ABL1: variants seen among roughly 807,000 people sequenced by gnomAD.
The protein encoded by ABL1 is tyrosine-protein kinase ABL1.
In ABL1, 11 loss-of-function variants were observed where a neutral mutation model predicts 94.7. That is an observed-to-expected ratio of 0.12 (90% confidence interval 0.07 to 0.19). The LOEUF (loss-of-function observed/expected upper bound fraction) is 0.19. Among genes scored for constraint, ABL1 ranks in the 10% least tolerant of loss-of-function variants. The probability of loss-of-function intolerance (pLI) is 1.00; values close to 1 mark genes in which losing one functional copy is unlikely to be tolerated. For missense variants in ABL1, 1,082 were observed against 1,489.4 expected (o/e 0.73, Z 4.50); for synonymous variants, 656 against 622.4 (o/e 1.05, Z -0.80).
At position 130,885,353 on chromosome 9, in the gene ABL1, G is replaced by T. The variant is rs1342461158; in HGVS notation, c.3063G>T (p.Arg1021=). The change falls in exon 11 of 11, where the codon CGG becomes CGT. Residue 1021 remains arginine, a synonymous_variant. Coordinates refer to ENST00000318560, the MANE Select transcript of ABL1 (RefSeq NM_005157.6). Reference sequence around the variant, plus strand: ...GGAAAACCCGCCAGCCTCCAGAGCGGATCGCCAGCGGCGCCATCACCAAGG... The same window carrying T: ...GGAAAACCCGCCAGCCTCCAGAGCGTATCGCCAGCGGCGCCATCACCAAGG... ...SLRKTRQPPE[R]IASGAITKGV... The T allele has an allele frequency of 6.2e-7, 1 of 1,613,636 alleles. No homozygotes were observed. The highest frequency in any genetic ancestry group is 8.5e-7 in the Non-Finnish European group (1 of 1,180,018).
intron 1 of ABL1, among the ~76,000 whole-genome samples, chr9:130,815,437 C>T (rs1221223180): frequency 6.6e-6 from 1 of 152,130 alleles, no homozygotes; most frequent in Non-Finnish European, 1.5e-5. Flanking sequence ...TTTCTGCTTG[C>T]CCAGGGCCAA....
chr9:130,784,850 C>G (rs1340963832), intron 1 of ABL1, among the ~76,000 whole-genome samples: 1 of 152,164 alleles, frequency 6.6e-6, no homozygotes, highest in African/African-American at 2.4e-5. Context: ...GAGATGCTTC[C>G]CCTGCATAAG....
intron 1 of ABL1, among the ~76,000 whole-genome samples, chr9:130,760,001 C>T (rs1192445587): frequency 2.2e-5 from 3 of 133,606 alleles, no homozygotes; most frequent in African/African-American, 2.8e-5. Context: ...GAGACGGGGT[C>T]CCACTACGTT....
At position 130,822,784 on chromosome 9, in the gene ABL1, C is replaced by T. The variant is rs536912422; in HGVS notation, c.137-31280C>T. On this transcript the variant is annotated intron_variant, in intron 1 of 10. Coordinates refer to the ABL1 transcript ENST00000372348. ...CTTATTATCGAGTGGTAAGAGTTCT[C>T]TGTATTGTGGGTACAAGTTCTTTTT... Among the ~76,000 whole-genome samples, 18 of 151,638 alleles carry T rather than the reference C, an allele frequency of 1.2e-4. No individual in the cohort carries two copies. The South Asian group carries it at 3.8e-3, about 32-fold the overall frequency.
chr9:130,821,664 CT>C lies in ABL1; in HGVS notation c.137-32385del, dbSNP rs1212377521. Among the ~76,000 whole-genome samples, 310 of 135,458 alleles carry C rather than the reference CT, an allele frequency of 2.3e-3. 1 individual carries two copies. The highest frequency in any genetic ancestry group is 3.7e-3 in the Middle Eastern group (1 of 268). 88.9% of individuals were successfully genotyped at this position (135,458 alleles called of 152,430 possible). A position where few individuals can be genotyped will look rare whatever the true frequency, so the allele number is the denominator to read the frequency against. Reference sequence around the variant, plus strand: ...ATTTCTAGAAGTAAAATTGCTGAGTCTTTTTTTTTTTTTTTGAGATGGAGTT... The same window carrying C: ...ATTTCTAGAAGTAAAATTGCTGAGTCTTTTTTTTTTTTTTGAGATGGAGTT... On this transcript the variant is annotated intron_variant, in intron 1 of 10. Transcript: ENST00000372348.
At chr9:130,764,978 A>G (rs971279678) in intron 1 of ABL1, among the ~76,000 whole-genome samples, 2 of 151,682 alleles carry the variant, frequency 1.3e-5, no homozygotes, top group African/African-American at 4.8e-5. Flanking sequence ...AGAGGATACA[A>G]GGGATACAAG....
In ABL1 at chr9:130,878,397, C is replaced by CTTT. The variant is rs1479138391; in HGVS notation, c.1271-17_1271-15dup. 17 of 1,613,258 alleles carry CTTT rather than the reference C, an allele frequency of 1.1e-5. No individual in the cohort carries two copies. The Admixed American group carries it at 2.8e-4, about 27-fold the overall frequency. ...GCTACACATCTTGAACAGCCTTTCT[C>CTTT]TTTCGGTTTTCTTTCAGCATTTGGA... On this transcript the variant is annotated splice_polypyrimidine_tract_variant and intron_variant, in intron 7 of 10. Transcript: ENST00000318560.
At chr9:130,804,921 G>A (rs567490716) in intron 1 of ABL1, among the ~76,000 whole-genome samples, 89 of 152,348 alleles carry the variant, frequency 5.8e-4, no homozygotes, top group Non-Finnish European at 1.1e-3. Flanking sequence ...GGGGGACCAA[G>A]AGGGAGGTCT....
intron 1 of ABL1, among the ~76,000 whole-genome samples, chr9:130,717,795 C>A (rs1831462760): frequency 6.6e-6 from 1 of 151,878 alleles, no homozygotes; most frequent in African/African-American, 2.4e-5. Context: ...GGGCAGATCA[C>A]CTGAGGTCGG....
intron 1 of ABL1, among the ~76,000 whole-genome samples, chr9:130,735,961 A>ATATATATATATATATATTTT (rs573602038): frequency 4.2e-5 from 4 of 94,846 alleles, no homozygotes; most frequent in African/African-American, 2.5e-4. Flanking sequence ...ATATATATAT[A>ATATATATATATATATATTTT]TTTTTTTTTT....
chr9:130,736,063 C>G (rs540802143), intron 1 of ABL1, among the ~76,000 whole-genome samples: 1 of 149,980 alleles, frequency 6.7e-6, no homozygotes, highest in East Asian at 2.0e-4. Flanking sequence ...TCAAGTGATA[C>G]TCCTGCCTCA....
chr9:130,751,205 G>A (rs1407763224), intron 1 of ABL1, among the ~76,000 whole-genome samples: 14 of 124,578 alleles, frequency 1.1e-4, no homozygotes, highest in Non-Finnish European at 1.8e-4. Flanking sequence ...ACAGTGGCGC[G>A]ATCTCGGCTC....
At chr9:130,724,073 G>A (rs1192029684) in intron 1 of ABL1, among the ~76,000 whole-genome samples, 2 of 152,090 alleles carry the variant, frequency 1.3e-5, no homozygotes, top group Non-Finnish European at 2.9e-5. Context: ...GCCTTCCAAA[G>A]TGCTGGGATT....
rs766644286 is a variant in ABL1 at position 130,854,428 on chromosome 9, G to A, written c.253+191G>A. Among the ~76,000 whole-genome samples the A allele has an allele frequency of 1.2e-3, 184 of 152,138 alleles. 4 individuals are homozygous for A. Among genetic ancestry groups the A allele is most frequent in the Admixed American group, 3.9e-4 (6 of 15,274 alleles). On this transcript the variant is annotated intron_variant, in intron 2 of 10. Coordinates refer to ENST00000318560, the MANE Select transcript of ABL1 (RefSeq NM_005157.6). ...AGGAGTTCTTGTACAATAGCCCTGGGCAAAAACAGAACTTGCCCTATTTTT... is the reference window on the plus strand; with the variant it reads ...AGGAGTTCTTGTACAATAGCCCTGGACAAAAACAGAACTTGCCCTATTTTT...
chr9:130,752,420 A>T (rs960632821), intron 1 of ABL1, among the ~76,000 whole-genome samples: 1 of 152,114 alleles, frequency 6.6e-6, no homozygotes, highest in Non-Finnish European at 1.5e-5. Context: ...TTGGCTTGGC[A>T]CTCAAGGTCT....
chr9:130,837,255 C>T (rs1830603004), intron 1 of ABL1, among the ~76,000 whole-genome samples: 1 of 152,162 alleles, frequency 6.6e-6, no homozygotes, highest in Admixed American at 6.5e-5. Context: ...TTATTTTTTC[C>T]AAGTTGCTCA....
intron 1 of ABL1, among the ~76,000 whole-genome samples, chr9:130,734,721 C>T (rs1268910729): frequency 1.3e-5 from 2 of 151,654 alleles, no homozygotes; most frequent in Non-Finnish European, 2.9e-5. Context: ...AGAGTTTAGC[C>T]ATATTGGCTA....
intron 1 of ABL1, among the ~76,000 whole-genome samples, chr9:130,716,256 C>T (rs537440847): frequency 4.0e-5 from 6 of 151,204 alleles, no homozygotes; most frequent in Middle Eastern, 3.5e-3. Context: ...CACTGACGCC[C>T]GGCTAATTTT....
chr9:130,789,241 A>G (rs1366090740), intron 1 of ABL1, among the ~76,000 whole-genome samples: 1 of 152,252 alleles, frequency 6.6e-6, no homozygotes, highest in Non-Finnish European at 1.5e-5. Flanking sequence ...CACAGTATCA[A>G]TCAGAAAGGA....
Sources: gnomAD v4.1 joint callset for allele counts (sites outside exome capture counted in the v4.1 genomes callset) on GRCh38, gnomAD v4.1.1 for gene constraint, MANE v1.5 for transcripts, NCBI Gene and HGNC (gene_info 2026-07-23, HGNC 2026-07-21) for gene names.